The following RGL3 variants were observed in gnomAD, a reference collection of about 807,000 sequenced individuals.
RGL3 encodes ral guanine nucleotide dissociation stimulator-like 3.
RGL3 carries 85 observed loss-of-function variants against 90.6 expected under a neutral mutation model. The observed-to-expected ratio is 0.94, with a 90% CI of 0.79 to 1.12. The LOEUF is 1.12. RGL3 is among the 50% of genes most tolerant of loss of function. The probability of loss-of-function intolerance (pLI) is 0.00; values close to 1 mark genes in which losing one functional copy is unlikely to be tolerated. For synonymous variants in RGL3, 408 were observed against 385.5 expected (o/e 1.06, Z -0.68); for missense variants, 1,034 against 939.2 (o/e 1.10, Z -1.32).
chr19:11,414,502 T>TATATATATATATAC (rs1568341989), intron 5 of RGL3, among the ~76,000 whole-genome samples: 1 of 79,152 alleles, frequency 1.3e-5, no homozygotes, highest in African/African-American at 5.1e-5. Context: ...TATATATATA[T>TATATATATATATAC]ATATATATAT....
At position 11,416,080 on chromosome 19, in the gene RGL3, T is replaced by A. The variant is rs372043862; in HGVS notation, c.494A>T (p.His165Leu). 1 of 1,611,174 alleles carries A rather than the reference T, an allele frequency of 6.2e-7. No individual in the cohort carries two copies. Residue 165 changes from histidine (H) to leucine (L), a missense_variant, in exon 5 of 19, where the codon CAT becomes CTT. Transcript: ENST00000380456. ...GGTTCGGACACTGCCCAGGTCCGAA[T>A]GGGCAGGGTGGTCTCGGAAATCCTG... ...HPQDFRDHPA[H>L]SDLGSVRTFL...
intron 2 of RGL3, among the ~76,000 whole-genome samples, chr19:11,418,159 C>A (rs1000877719): frequency 2.0e-5 from 3 of 151,412 alleles, no homozygotes; most frequent in African/African-American, 7.3e-5. Flanking sequence ...ATAGCTCCTG[C>A]AACTTGCCCT....
rs140810642 is a variant in RGL3, at chr19:11,396,440, G to C, written c.2014+804C>G. On this transcript the variant is annotated intron_variant, in intron 18 of 18. Coordinates refer to ENST00000380456, the MANE Select transcript of RGL3 (RefSeq NM_001035223.4). ...CCGCTTTGGCCTCCCAAAGTGCCGG[G>C]ATTACAGGCGTTGAGCCACCGCACC... Among the ~76,000 whole-genome samples, 290 of 151,384 alleles carry C rather than the reference G, an allele frequency of 1.9e-3. 2 individuals carry two copies. Among genetic ancestry groups the C allele is most frequent in the African/African-American group, 6.8e-3 (281 of 41,320 alleles).
At chr19:11,405,114 C>A (rs1288354341) in intron 9 of RGL3, 33 bp downstream of exon 9, 1 of 1,589,336 alleles carries the variant, frequency 6.3e-7, no homozygotes, top group Non-Finnish European at 8.6e-7. Flanking sequence ...ACTTCCCGGG[C>A]CTAAAATCCC....
intron 7 of RGL3, 66 bp from the exon 8 acceptor site, chr19:11,405,492 A>ATTTT: frequency 1.5e-5 from 2 of 132,458 alleles, no homozygotes; most frequent in Non-Finnish European, 3.0e-5. Context: ...AAACTTCTTC[A>ATTTT]TCTTTTTTTT....
chr19:11,405,270 T>C, intron 8 of RGL3, 39 bp from the exon 9 acceptor site: 1 of 1,612,690 alleles, frequency 6.2e-7, no homozygotes, highest in African/African-American at 1.3e-5. Context: ...GGTCAGTGGC[T>C]TGGGAGGGTC....
intron 16 of RGL3, among the ~76,000 whole-genome samples, chr19:11,399,505 G>A (rs1348206228): frequency 6.6e-6 from 1 of 152,142 alleles, no homozygotes; most frequent in Non-Finnish European, 1.5e-5. Flanking sequence ...AGGGGTGGAA[G>A]TTGCGGTGAG....
At chr19:11,407,917 C>T (rs1233017901) in intron 5 of RGL3, among the ~76,000 whole-genome samples, 2 of 150,556 alleles carry the variant, frequency 1.3e-5, no homozygotes, top group East Asian at 1.9e-4. Flanking sequence ...AACTCCTGAC[C>T]TCAAGTGATC....
chr19:11,413,413 T>C (rs1264402706), intron 5 of RGL3, among the ~76,000 whole-genome samples: 1 of 151,064 alleles, frequency 6.6e-6, no homozygotes, highest in East Asian at 2.0e-4. Flanking sequence ...CAGGTGCCTA[T>C]AATCCCAGCT....
intron 5 of RGL3, among the ~76,000 whole-genome samples, chr19:11,408,599 A>G (rs1414911716): frequency 6.6e-5 from 10 of 151,774 alleles, no homozygotes; most frequent in Non-Finnish European, 8.8e-5. Context: ...AAAAAAAAAA[A>G]GATCATGCTA....
At chr19:11,415,772 C>T (rs1175362879) in intron 5 of RGL3, among the ~76,000 whole-genome samples, 165 bp downstream of exon 5, 1 of 152,156 alleles carries the variant, frequency 6.6e-6, no homozygotes, top group African/African-American at 2.4e-5. Context: ...CCACGCCCGG[C>T]TGACAAAGAA....
chr19:11,418,945 C>A, intron 1 of RGL3, 161 bp from the exon 2 acceptor site: 5 of 646,542 alleles, frequency 7.7e-6, no homozygotes, highest in Non-Finnish European at 1.3e-5. Context: ...CTAGTCCCCT[C>A]CTCGCTGCGG....
At chr19:11,411,580 T>C (rs1360704558) in intron 5 of RGL3, 1 of 152,142 alleles carries the variant, frequency 6.6e-6, no homozygotes, top group Non-Finnish European at 1.5e-5. Flanking sequence ...CAAAAAAAGG[T>C]TCAGGCACAA....
intron 2 of RGL3, 98 bp from the exon 3 acceptor site, chr19:11,417,157 T>C: frequency 6.7e-6 from 6 of 892,392 alleles, no homozygotes; most frequent in Non-Finnish European, 8.2e-6. Context: ...TTTTTTTTTT[T>C]GTTTTTTTTT....
intron 2 of RGL3, among the ~76,000 whole-genome samples, chr19:11,417,710 T>A (rs1039462320): frequency 4.6e-5 from 7 of 151,914 alleles, no homozygotes; most frequent in Non-Finnish European, 8.8e-5. Context: ...GACCTGATGA[T>A]CCACTTGCCT....
intron 11 of RGL3, 69 bp from the exon 12 acceptor site, chr19:11,402,316 G>C (rs1733180695): frequency 2.5e-6 from 4 of 1,603,430 alleles, no homozygotes; most frequent in Non-Finnish European, 3.4e-6. Context: ...CAGGGGCTGG[G>C]ATGTCAGGAG....
intron 9 of RGL3, among the ~76,000 whole-genome samples, 170 bp downstream of exon 9, chr19:11,404,977 T>G (rs1011254485): frequency 2.6e-5 from 4 of 151,920 alleles, no homozygotes; most frequent in African/African-American, 9.7e-5. Flanking sequence ...ACGCAGGAAG[T>G]AGAGGAAAGA....
chr19:11,408,475 A>C (rs1217191098), intron 5 of RGL3, among the ~76,000 whole-genome samples: 2 of 151,602 alleles, frequency 1.3e-5, no homozygotes, highest in Non-Finnish European at 2.9e-5. Flanking sequence ...AATCCCAGCT[A>C]CTCGGGGGGC....
rs1384508197 is a variant in RGL3, at chr19:11,397,346, C to T, written c.1912G>A (p.Asp638Asn). The T allele has an allele frequency of 1.2e-6, 2 of 1,603,224 alleles. No homozygotes were observed. The highest frequency in any genetic ancestry group is 2.2e-5 in the South Asian group (2 of 89,228). ...CGCCGGACCACGCTGGGGGCTTTGT[C>T]CTGACTGGTCAGCTGGAAGAGAGGG... is the stretch of plus-strand genomic sequence containing the variant. ...LYRSILLTSQ[D>N]KAPSVVRRAL... The change falls in exon 18 of 19, where the codon GAC becomes AAC. Residue 638 changes from aspartate (D) to asparagine (N), a missense_variant. Physicochemically the swap from Asp to Asn is conservative, Grantham distance 23. Transcript: ENST00000380456.
Sources: allele counts gnomAD v4.1 joint callset (sites outside exome capture counted in the v4.1 genomes callset), GRCh38; gene constraint gnomAD v4.1.1; transcripts MANE v1.5; gene names NCBI Gene and HGNC (gene_info 2026-07-23, HGNC 2026-07-21).